Variants in ANKRD24 observed in about 807,000 individuals in gnomAD.
ANKRD24 encodes ankyrin repeat domain 24, also known as ankyrin repeat domain-containing protein 24.
ANKRD24 carries 109 observed loss-of-function variants against 127.8 expected under a neutral mutation model. The ratio of observed to expected loss-of-function variants is 0.85; its 90% confidence interval spans 0.73 to 1.00. ANKRD24 has a LOEUF of 1.00. Ranked by LOEUF, ANKRD24 falls within the 50% of genes least tolerant of loss-of-function variation. The pLI, the probability that ANKRD24 is intolerant of heterozygous loss-of-function variation, is 0.00. For missense variants in ANKRD24, 1,648 were observed against 1,570.2 expected (o/e 1.05, Z -0.84); for synonymous variants, 743 against 671.1 (o/e 1.11, Z -1.66).
At position 4,196,168 on chromosome 19, in the gene ANKRD24, A is replaced by G. The variant is rs1294677197; in HGVS notation, c.37-3515A>G. 5.3e-5 allele frequency among the ~76,000 whole-genome samples: 8 copies of G among 152,284 alleles called. No homozygotes were observed. In the East Asian group the frequency reaches 1.5e-3, roughly 29 times the overall value. On this transcript the variant is annotated intron_variant, in intron 2 of 21. Coordinates refer to ENST00000318934, the MANE Select transcript of ANKRD24 (RefSeq NM_001393985.1). ...ACAGTGCTTCCTTGGTGCCTGTCCT[A>G]TTATCTATCTCATTTAACCGTTGAG...
In ANKRD24 at chr19:4,217,527, G is replaced by A. The variant is rs1033355260; in HGVS notation, c.2367G>A (p.Ala789=). 8.1e-6 allele frequency: 11 copies of A among 1,361,654 alleles called. No individual in the cohort carries two copies. In the African/African-American group the frequency reaches 1.1e-4, roughly 13 times the overall value. 84.3% of individuals were successfully genotyped at this position (1,361,654 alleles called of 1,614,324 possible). The part of the protein sequence containing the change: ...GGGGDTTQLR[A]ALEQAREDLR... ...GCGGTGACACCACACAGCTGCGGGC[G>A]GCCCTGGAGCAGGCCCGGGAGGACC... The change falls in exon 18 of 22, where the codon GCG becomes GCA. Residue 789 remains alanine, a synonymous_variant. Coordinates refer to ENST00000318934, the MANE Select transcript of ANKRD24 (RefSeq NM_001393985.1).
chr19:4,207,943 G>A lies in ANKRD24; in HGVS notation c.807G>A (p.Ala269=), dbSNP rs2240669. ...TCATCCTGCACCTTCTGCAAGAGGC[G>A]GCCCAGCGCCCCTCCCCACCCAGCG... ...DKLILHLLQE[A]AQRPSPPSAL... is the part of the protein sequence containing the mutation. The change falls in exon 10 of 22, where the codon GCG becomes GCA. Residue 269 remains alanine, a synonymous_variant. Transcript: ENST00000318934. 0.19 allele frequency: 282,907 copies of A among 1,522,288 alleles called. 28,434 individuals carry two copies. The highest frequency in any genetic ancestry group is 0.33 in the East Asian group (14,048 of 42,378). 94.3% of individuals were successfully genotyped at this position (1,522,288 alleles called of 1,614,324 possible). A position where few individuals can be genotyped will look rare whatever the true frequency, so the allele number is the denominator to read the frequency against.
At chr19:4,214,066 G>A (rs1046716908) in intron 15 of ANKRD24, among the ~76,000 whole-genome samples, 7 of 152,110 alleles carry the variant, frequency 4.6e-5, no homozygotes, top group Admixed American at 2.0e-4. Context: ...AAGAAACAAC[G>A]TCCAAGAACA....
rs1213925647 is a variant in ANKRD24 at position 4,199,393 on chromosome 19, G to A, written c.37-290G>A. 1.8e-6 allele frequency: 1 copy of A among 541,398 alleles called. No homozygotes were observed. Among genetic ancestry groups the A allele is most frequent in the Non-Finnish European group, 2.4e-6 (1 of 424,636 alleles). 33.5% of individuals were successfully genotyped at this position (541,398 alleles called of 1,614,324 possible). A position where few individuals can be genotyped will look rare whatever the true frequency, so the allele number is the denominator to read the frequency against. On this transcript the variant is annotated intron_variant, in intron 2 of 21. Coordinates refer to ENST00000318934, the MANE Select transcript of ANKRD24 (RefSeq NM_001393985.1). This position sits in a 1 kb window ranked among gnomAD's most constrained non-coding sequence, Gnocchi z 5.2. ...GCCCCGCTGATGATTTTTATTTTTT[G>A]TAGAGACGGGGTCCTACTATGGTGC... is the stretch of plus-strand genomic sequence containing the variant.
At chr19:4,205,824 G>C (rs112266232) in intron 7 of ANKRD24, among the ~76,000 whole-genome samples, 12,876 of 151,964 alleles carry the variant, frequency 0.085, 758 homozygotes, top group Non-Finnish European at 0.13. Context: ...CTCCAGCGTG[G>C]GTGCAGAGGG....
intron 2 of ANKRD24, among the ~76,000 whole-genome samples, chr19:4,191,496 T>C (rs924850195): frequency 2.0e-5 from 3 of 152,100 alleles, no homozygotes; most frequent in African/African-American, 7.2e-5. Flanking sequence ...TATTTATTTA[T>C]TTTTGGGACA....
At chr19:4,184,442 A>T (rs1056875476) in intron 1 of ANKRD24, among the ~76,000 whole-genome samples, 1 of 152,206 alleles carries the variant, frequency 6.6e-6, no homozygotes, top group Non-Finnish European at 1.5e-5. Context: ...AGGTACCCTG[A>T]CACACACATG....
intron 20 of ANKRD24, among the ~76,000 whole-genome samples, chr19:4,223,775 A>G (rs1970592460): frequency 6.6e-6 from 1 of 151,998 alleles, no homozygotes; most frequent in Non-Finnish European, 1.5e-5. Context: ...CATGTTAGCC[A>G]GGGTGGTCTT....
chr19:4,216,397 G>C lies in ANKRD24; in HGVS notation c.1384G>C (p.Val462Leu). Residue 462 changes from valine (V) to leucine (L), a missense_variant, in exon 17 of 22, where the codon GTC (valine) becomes CTC (leucine). By Grantham distance (32) the Val-to-Leu change is conservative (BLOSUM62 1). Coordinates refer to ENST00000318934, the MANE Select transcript of ANKRD24 (RefSeq NM_001393985.1). ...TRQNQELMEK[V>L]QILENFEKDE... ...ACAGAACCAGGAACTGATGGAGAAGGTCCAGGTAGGGAAAGTGAGGCTGGG... is the reference window on the plus strand; with the variant it reads ...ACAGAACCAGGAACTGATGGAGAAGCTCCAGGTAGGGAAAGTGAGGCTGGG... 6.4e-7 allele frequency: 1 copy of C among 1,566,502 alleles called. No homozygotes were observed.
Position 4,217,631 on chromosome 19 carries a change from T to A in ANKRD24, c.2471T>A (p.Leu824Gln). Residue 824 changes from leucine to glutamine, a missense_variant, in exon 18 of 22, where the codon CTG becomes CAG. Transcript: ENST00000318934. ...GATGAGGCTCGGGCCAGCCGGCTGCTGGCGGAGGAGGAGGCGCGGGGCCTG... is the reference window on the plus strand; with the variant it reads ...GATGAGGCTCGGGCCAGCCGGCTGCAGGCGGAGGAGGAGGCGCGGGGCCTG... ...CLDEARASRL[L>Q]AEEEARGLRA... is the part of the protein sequence containing the mutation. 7.8e-7 allele frequency: 1 copy of A among 1,285,228 alleles called. No homozygotes were observed. The allele number at this position is 1,285,228 out of a possible 1,614,324, so 79.6% of individuals were successfully genotyped here. A position where few individuals can be genotyped will look rare whatever the true frequency, so the allele number is the denominator to read the frequency against.
chr19:4,199,976 C>A lies in ANKRD24; in HGVS notation c.225C>A (p.Pro75=). The change falls in exon 4 of 22, where the codon CCC becomes CCA. Residue 75 remains proline (P), a synonymous_variant. Coordinates refer to ENST00000318934, the MANE Select transcript of ANKRD24 (RefSeq NM_001393985.1). This position sits in a 1 kb window ranked among gnomAD's most constrained non-coding sequence, Gnocchi z 5.2. ...AALIARKGLV[P]TKLDPEGKSA... The stretch of plus-strand genomic sequence containing the variant: ...TCATCGCCCGCAAGGGGCTGGTGCC[C>A]ACGAAGCTAGACCCCGAGGGCAAGT... 2 of 1,564,780 alleles carry A rather than the reference C, an allele frequency of 1.3e-6. No individual in the cohort carries two copies. The highest frequency in any genetic ancestry group is 2.4e-5 in the East Asian group (1 of 41,820).
rs1259107329 is a variant in ANKRD24 at position 4,182,727 on chromosome 19, C to A, written c.-50C>A. ...TATCTGCTGTCAGAAGGAAGCCTGC[C>A]TCTTTGCATGCAGGTGTTTGCGGGG... On this transcript the variant is annotated 5_prime_UTR_variant, in exon 1 of 22. Transcript: ENST00000318934. 1 of 1,402,858 alleles carries A rather than the reference C, an allele frequency of 7.1e-7. No homozygotes were observed. The highest frequency in any genetic ancestry group is 1.5e-5 in the African/African-American group (1 of 66,796). The allele number at this position is 1,402,858 out of a possible 1,614,324, so 86.9% of individuals were successfully genotyped here. A position where few individuals can be genotyped will look rare whatever the true frequency, so the allele number is the denominator to read the frequency against.
At position 4,199,600 on chromosome 19, in the gene ANKRD24, G is replaced by T. The variant is rs922929450; in HGVS notation, c.37-83G>T. 167 of 1,454,716 alleles carry T rather than the reference G, an allele frequency of 1.1e-4. 1 individual carries two copies. The highest frequency in any genetic ancestry group is 1.1e-3 in the East Asian group (44 of 39,986). 90.1% of individuals were successfully genotyped at this position (1,454,716 alleles called of 1,614,324 possible). The stretch of plus-strand genomic sequence containing the variant: ...CTTTTGTTGGACAACTGGGGTGATG[G>T]GCCTGGGGGCAGATGCTGGGGGTCG... On this transcript the variant is annotated intron_variant, in intron 2 of 21. Transcript: ENST00000318934. The surrounding 1 kb of genome is among the most constrained non-coding windows in gnomAD (Gnocchi z 5.2).
At chr19:4,189,763 C>T (rs185356419) in intron 2 of ANKRD24, among the ~76,000 whole-genome samples, 468 of 152,266 alleles carry the variant, frequency 3.1e-3, no homozygotes, top group Non-Finnish European at 4.8e-3. Context: ...ATTTAATCCT[C>T]ACCACCGTGT....
chr19:4,219,271 G>A (rs1970311966), intron 18 of ANKRD24, among the ~76,000 whole-genome samples: 1 of 149,378 alleles, frequency 6.7e-6, no homozygotes, highest in Non-Finnish European at 1.5e-5. Flanking sequence ...AGGCGACAGA[G>A]CAAGACTCTG....
chr19:4,182,795 C>G (rs1967801732), intron 1 of ANKRD24, 55 bp downstream of exon 1: 1 of 964,924 alleles, frequency 1.0e-6, no homozygotes, highest in East Asian at 1.1e-4. Flanking sequence ...GAAATTGGGG[C>G]GGCCGCCTAC....
rs1279926501 is a variant in ANKRD24 at position 4,217,133 on chromosome 19, G to T, written c.1973G>T (p.Gly658Val). Residue 658 changes from glycine to valine, a missense_variant, in exon 18 of 22, where the codon GGT (glycine) becomes GTT (valine). Transcript: ENST00000318934. The part of the protein sequence containing the change: ...EEAEMQAYGV[G>V]AGQAEPPVTG... ...GCAGAAATGCAGGCCTACGGAGTGGGTGCTGGGCAAGCAGAGCCCCCAGTC... is the reference window on the plus strand; with the variant it reads ...GCAGAAATGCAGGCCTACGGAGTGGTTGCTGGGCAAGCAGAGCCCCCAGTC... The T allele has an allele frequency of 1.9e-6, 3 of 1,613,486 alleles. No homozygotes were observed. Among genetic ancestry groups the T allele is most frequent in the African/African-American group, 1.3e-5 (1 of 74,872 alleles).
chr19:4,186,586 C>G lies in ANKRD24; in HGVS notation c.36+125C>G, dbSNP rs1599387083. 5 of 1,148,156 alleles carry G rather than the reference C, an allele frequency of 4.4e-6. No individual in the cohort carries two copies. The Middle Eastern group carries it at 6.0e-4, about 137-fold the overall frequency. The allele number at this position is 1,148,156 out of a possible 1,614,324, so 71.1% of individuals were successfully genotyped here. A position where few individuals can be genotyped will look rare whatever the true frequency, so the allele number is the denominator to read the frequency against. ...CTCTTCTCCTTTCCTCTCTGCTGCC[C>G]CCTAGCGTCATGACCTCCCCACTGC... is the stretch of plus-strand genomic sequence containing the variant. On this transcript the variant is annotated intron_variant, in intron 2 of 21. Transcript: ENST00000318934.
chr19:4,194,700 G>A (rs1968597790), intron 2 of ANKRD24, among the ~76,000 whole-genome samples: 1 of 152,146 alleles, frequency 6.6e-6, no homozygotes, highest in East Asian at 1.9e-4. Context: ...GGGGAGAAGG[G>A]ACAAGGGGAC....
Sources: allele counts gnomAD v4.1 joint callset (sites outside exome capture counted in the v4.1 genomes callset), GRCh38; gene constraint gnomAD v4.1.1; non-coding constraint Gnocchi (gnomAD v3.1); transcripts MANE v1.5; gene names NCBI Gene and HGNC (gene_info 2026-07-23, HGNC 2026-07-21).